The following SULT2B1 variants were observed in gnomAD, a reference collection of about 807,000 sequenced individuals.
The protein encoded by SULT2B1 is sulfotransferase family 2B member 1.
Under a neutral mutation model 33.2 loss-of-function variants are expected in SULT2B1, and 16 were observed. The observed-to-expected ratio is 0.48, with a 90% CI of 0.33 to 0.73. The LOEUF is 0.73. SULT2B1 is among the 30% of genes least tolerant of loss of function. SULT2B1 has a pLI of 0.02. For missense variants in SULT2B1, 500 were observed against 506.0 expected, an observed-to-expected ratio of 0.99 and a Z score of 0.11; for synonymous variants, 186 against 200.5, an observed-to-expected ratio of 0.93 and a Z score of 0.61.
chr19:48,573,820 G>A (rs941481432), intron 1 of SULT2B1, among the ~76,000 whole-genome samples: 1 of 152,000 alleles, frequency 6.6e-6, no homozygotes, highest in African/African-American at 2.4e-5. Flanking sequence ...AAGCTACAGC[G>A]GAGCCCAATT....
chr19:48,567,423 G>A lies in SULT2B1; in HGVS notation c.72-8518G>A, dbSNP rs142041878. Among the ~76,000 whole-genome samples the A allele has an allele frequency of 7.3e-3, 1,116 of 152,194 alleles. 17 individuals carry two copies. Among genetic ancestry groups the A allele is most frequent in the African/African-American group, 0.025 (1,018 of 41,538 alleles). On this transcript the variant is annotated intron_variant, in intron 1 of 6. Transcript: ENST00000201586. ...CTAAAAATACAAAAATTAGCCAGGCGTGGTGGTGCACGCCTGTAATCTCAG... is the reference window on the plus strand; with the variant it reads ...CTAAAAATACAAAAATTAGCCAGGCATGGTGGTGCACGCCTGTAATCTCAG...
chr19:48,573,571 G>T (rs1192333887), intron 1 of SULT2B1, among the ~76,000 whole-genome samples: 3 of 152,056 alleles, frequency 2.0e-5, no homozygotes, highest in African/African-American at 7.2e-5. Flanking sequence ...GAGTGGCAGG[G>T]TCGGGGGACA....
Position 48,598,605 on chromosome 19 carries a change from CTG to C in SULT2B1, c.827-529_827-528del, listed in dbSNP as rs538367360. On this transcript the variant is annotated intron_variant, in intron 6 of 6. Coordinates refer to ENST00000201586, the MANE Select transcript of SULT2B1 (RefSeq NM_177973.2). The stretch of plus-strand genomic sequence containing the variant: ...TCTCAAAAAGAAAAAAAATGGAAAA[CTG>C]AGGCTTGGAGGGTTCCTGAGGCTCG... Among the ~76,000 whole-genome samples the C allele has an allele frequency of 2.8e-4, 42 of 152,130 alleles. No individual in the cohort carries two copies. In the South Asian group the frequency reaches 8.7e-3, roughly 32 times the overall value.
intron 1 of SULT2B1, among the ~76,000 whole-genome samples, chr19:48,562,407 A>G (rs1397915457): frequency 6.6e-6 from 1 of 151,198 alleles, no homozygotes; most frequent in Admixed American, 6.6e-5. Context: ...AAAAATTAGC[A>G]AAGCGTGGTG....
chr19:48,552,198 C>T lies in SULT2B1; in HGVS notation c.-55C>T. 1 of 1,571,802 alleles carries T rather than the reference C, an allele frequency of 6.4e-7. No individual in the cohort carries two copies. Among genetic ancestry groups the T allele is most frequent in the African/African-American group, 1.3e-5 (1 of 74,238 alleles). On this transcript the variant is annotated 5_prime_UTR_variant, in exon 1 of 7. Coordinates refer to ENST00000201586, the MANE Select transcript of SULT2B1 (RefSeq NM_177973.2). This position sits in a 1 kb window ranked among gnomAD's most constrained non-coding sequence, Gnocchi z 4.8. ...GACGCTGTCGCTGCGCACACCTGGC[C>T]TCTGTGCCGCCTGCTCCCTGCTCGT...
Position 48,573,469 on chromosome 19 carries a change from C to T in SULT2B1, c.72-2472C>T, listed in dbSNP as rs1973358508. Among the ~76,000 whole-genome samples, 3 of 152,102 alleles carry T rather than the reference C, an allele frequency of 2.0e-5. No homozygotes were observed. The South Asian group carries it at 6.2e-4, about 32-fold the overall frequency. On this transcript the variant is annotated intron_variant, in intron 1 of 6. Transcript: ENST00000201586. ...TTTGTTTTACAAGGTGGACAGCAGG[C>T]ACAGGGTACCTGTTTTAGGAATGCG...
At position 48,576,354 on chromosome 19, in the gene SULT2B1, C is replaced by CTTTTCTT. The variant is rs879507532; in HGVS notation, c.214+273_214+274insTTCTTTT. Among the ~76,000 whole-genome samples, 44 of 79,918 alleles carry CTTTTCTT rather than the reference C, an allele frequency of 5.5e-4. 1 individual carries two copies. The highest frequency in any genetic ancestry group is 2.2e-3 in the Admixed American group (14 of 6,334). The allele number at this position is 79,918 out of a possible 152,430, so 52.4% of individuals were successfully genotyped here. On this transcript the variant is annotated intron_variant, in intron 2 of 6. Transcript: ENST00000201586. Reference sequence around the variant, plus strand: ...TCCTCCCTTTCCCCTTTACCCTCTACTTCTCTTTTTTTTTTTTTTTTTTGT... The same window carrying CTTTTCTT: ...TCCTCCCTTTCCCCTTTACCCTCTACTTTTCTTTTCTCTTTTTTTTTTTTTTTTTTGT...
At chr19:48,581,137 A>T (rs1973481123) in intron 2 of SULT2B1, among the ~76,000 whole-genome samples, 1 of 141,388 alleles carries the variant, frequency 7.1e-6, no homozygotes, top group Admixed American at 7.6e-5. Flanking sequence ...CCCAGGTTCA[A>T]GTGATTCTCC....
Position 48,597,026 on chromosome 19 carries a change from T to A in SULT2B1, c.826+107T>A, listed in dbSNP as rs534674352. 2.4e-6 allele frequency: 3 copies of A among 1,232,148 alleles called. No homozygotes were observed. The African/African-American group carries it at 4.5e-5, about 19-fold the overall frequency. The allele number at this position is 1,232,148 out of a possible 1,614,324, so 76.3% of individuals were successfully genotyped here. ...CTCAGTTTCTCACCCAGCTGTAACATTGGGTGAACAGGGTCACTGTGGCCC... is the reference window on the plus strand; with the variant it reads ...CTCAGTTTCTCACCCAGCTGTAACAATGGGTGAACAGGGTCACTGTGGCCC... On this transcript the variant is annotated intron_variant, in intron 6 of 6. Transcript: ENST00000201586.
At chr19:48,588,959 G>A (rs1182838187) in intron 3 of SULT2B1, among the ~76,000 whole-genome samples, 3 of 152,208 alleles carry the variant, frequency 2.0e-5, no homozygotes, top group African/African-American at 7.2e-5. Context: ...AAATGTGCAG[G>A]GCCGCGTGGG....
intron 1 of SULT2B1, among the ~76,000 whole-genome samples, chr19:48,574,027 A>AT (rs1313319619): frequency 6.6e-6 from 1 of 151,996 alleles, no homozygotes; most frequent in Non-Finnish European, 1.5e-5. Flanking sequence ...CAGTCGGCTA[A>AT]TTTTTTATTT....
chr19:48,576,359 C>CTTTTTTTTTTTTTTTTTT (rs1188887401), intron 2 of SULT2B1, among the ~76,000 whole-genome samples: 2 of 96,716 alleles, frequency 2.1e-5, no homozygotes, highest in African/African-American at 8.6e-5. Flanking sequence ...CTCTACTTCT[C>CTTTTTTTTTTTTTTTTTT]TTTTTTTTTT....
intron 3 of SULT2B1, among the ~76,000 whole-genome samples, chr19:48,588,852 T>C (rs952520784): frequency 6.6e-6 from 1 of 151,816 alleles, no homozygotes; most frequent in Non-Finnish European, 1.5e-5. Flanking sequence ...GGTGGGTGTA[T>C]CTGAGGTGCA....
At chr19:48,591,823 G>A (rs1167620757) in intron 4 of SULT2B1, 88 bp downstream of exon 4, 11 of 1,430,456 alleles carry the variant, frequency 7.7e-6, no homozygotes, top group Non-Finnish European at 9.2e-6. Flanking sequence ...GGGTAAGAAA[G>A]GGAGAGAGAC....
chr19:48,598,797 G>A (rs1480439494), intron 6 of SULT2B1, among the ~76,000 whole-genome samples: 4 of 152,088 alleles, frequency 2.6e-5, no homozygotes, highest in Non-Finnish European at 4.4e-5. Flanking sequence ...GGTCGCAGAG[G>A]AGGTGACACA....
At chr19:48,572,319 C>A (rs976303078) in intron 1 of SULT2B1, among the ~76,000 whole-genome samples, 1 of 152,056 alleles carries the variant, frequency 6.6e-6, no homozygotes, top group African/African-American at 2.4e-5. Context: ...CCGAGACCAT[C>A]CTGGCTAACA....
At chr19:48,588,145 G>A (rs1446295604) in intron 3 of SULT2B1, among the ~76,000 whole-genome samples, 4 of 150,894 alleles carry the variant, frequency 2.7e-5, no homozygotes, top group African/African-American at 9.8e-5. Context: ...GGGAGGTGGA[G>A]GTTGCAGTGA....
rs1487375036 is a variant in SULT2B1, at chr19:48,599,362, A to G, written c.1054A>G (p.Ser352Gly). Residue 352 changes from serine to glycine, a missense_variant, in exon 7 of 7, where the codon AGC becomes GGC. Physicochemically the swap from Ser to Gly is moderately conservative, Grantham distance 56. Coordinates refer to ENST00000201586, the MANE Select transcript of SULT2B1 (RefSeq NM_177973.2). The surrounding 1 kb of genome is among the most constrained non-coding windows in gnomAD (Gnocchi z 4.1). ...EPRPNSSPSP[S>G]PGQASETPHP... ...CAGACCCAACTCCAGCCCCAGCCCC[A>G]GCCCCGGCCAGGCCTCTGAGACCCC... The G allele has an allele frequency of 1.9e-6, 3 of 1,567,484 alleles. No individual in the cohort carries two copies. The highest frequency in any genetic ancestry group is 2.6e-6 in the Non-Finnish European group (3 of 1,155,772).
At chr19:48,558,699 T>C (rs1159914371) in intron 1 of SULT2B1, among the ~76,000 whole-genome samples, 26 of 132,204 alleles carry the variant, frequency 2.0e-4, no homozygotes, top group African/African-American at 6.9e-4. Context: ...TTTTTTTTTT[T>C]TTGAGACAGA....
Sources: gnomAD v4.1 joint callset for allele counts (sites outside exome capture counted in the v4.1 genomes callset) on GRCh38, gnomAD v4.1.1 for gene constraint, Gnocchi (gnomAD v3.1) non-coding constraint, MANE v1.5 for transcripts, NCBI Gene and HGNC (gene_info 2026-07-23, HGNC 2026-07-21) for gene names.